Variants in SCNN1B observed in about 807,000 individuals in gnomAD.
SCNN1B encodes sodium channel epithelial 1 subunit beta.
SCNN1B carries 46 observed loss-of-function variants against 65.3 expected under a neutral mutation model. The ratio of observed to expected loss-of-function variants is 0.70; its 90% CI spans 0.56 to 0.90. The LOEUF (loss-of-function observed/expected upper bound fraction) is 0.90. SCNN1B is among the 40% of genes least tolerant of loss of function. SCNN1B has a pLI of 0.00. For synonymous variants in SCNN1B, 349 were observed against 330.6 expected (o/e 1.06, Z -0.60); for missense variants, 751 against 830.5 (o/e 0.90, Z 1.18).
chr16:23,379,379 C>G (rs754903095), intron 11 of SCNN1B, among the ~76,000 whole-genome samples: 14 of 152,128 alleles, frequency 9.2e-5, no homozygotes, highest in Non-Finnish European at 4.4e-5. Flanking sequence ...TCTGTACAAG[C>G]CCCCTACTCT....
At chr16:23,359,560 C>T (rs2142026682) in intron 4 of SCNN1B, among the ~76,000 whole-genome samples, 1 of 152,208 alleles carries the variant, frequency 6.6e-6, no homozygotes, top group East Asian at 1.9e-4. Context: ...ATGTGCCTCT[C>T]TGCTCTCCCG....
chr16:23,374,805 G>A (rs981135554), intron 7 of SCNN1B, among the ~76,000 whole-genome samples: 6 of 151,770 alleles, frequency 4.0e-5, no homozygotes, highest in Non-Finnish European at 7.4e-5. Context: ...GGGCGGGGCC[G>A]AGTGGAGAGA....
In SCNN1B at chr16:23,348,033, C is replaced by T. The variant is rs1009839106; in HGVS notation, c.-8-559C>T. Among the ~76,000 whole-genome samples, 6 of 152,232 alleles carry T rather than the reference C, an allele frequency of 3.9e-5. No individual in the cohort carries two copies. The highest frequency in any genetic ancestry group is 1.4e-4 in the African/African-American group (6 of 41,460). On this transcript the variant is annotated intron_variant, in intron 1 of 12. Transcript: ENST00000343070. This position sits in a 1 kb window ranked among gnomAD's most constrained non-coding sequence, Gnocchi z 4.5. Reference sequence around the variant, plus strand: ...AGCTGAGGCCACAGGCGGGAACCCACCCTACACAGGACACATTCCATTGCA... The same window carrying T: ...AGCTGAGGCCACAGGCGGGAACCCATCCTACACAGGACACATTCCATTGCA...
intron 1 of SCNN1B, among the ~76,000 whole-genome samples, chr16:23,314,577 C>G (rs898259350): frequency 9.2e-5 from 14 of 152,106 alleles, no homozygotes; most frequent in African/African-American, 3.4e-4. Flanking sequence ...GCTTGCCTCT[C>G]CTCAGCTTCT....
chr16:23,360,406 C>T lies in SCNN1B; in HGVS notation c.776+4917C>T, dbSNP rs530375765. 5.3e-5 allele frequency among the ~76,000 whole-genome samples: 8 copies of T among 151,566 alleles called. No individual in the cohort carries two copies. In the South Asian group the frequency reaches 1.3e-3, roughly 24 times the overall value. On this transcript the variant is annotated intron_variant, in intron 4 of 12. Transcript: ENST00000343070. Reference sequence around the variant, plus strand: ...CAATTTTAAAATAACAAAATTAGCCCGGCGTGGTGGTACACACCTGTAGAC... The same window carrying T: ...CAATTTTAAAATAACAAAATTAGCCTGGCGTGGTGGTACACACCTGTAGAC...
chr16:23,325,723 A>G (rs377476711), intron 1 of SCNN1B, among the ~76,000 whole-genome samples: 3 of 152,062 alleles, frequency 2.0e-5, no homozygotes, highest in Non-Finnish European at 1.5e-5. Flanking sequence ...CCCATCCAGC[A>G]TCTCCCCAGA....
intron 1 of SCNN1B, among the ~76,000 whole-genome samples, chr16:23,304,954 T>G (rs1046461777): frequency 1.3e-5 from 2 of 152,150 alleles, no homozygotes; most frequent in African/African-American, 4.8e-5. Flanking sequence ...GCAGGAAGTC[T>G]TTTCCTGAAC....
At chr16:23,301,468 T>C (rs190715133), upstream of SCNN1B, among the ~76,000 whole-genome samples, 1 of 139,682 alleles carries the variant, frequency 7.2e-6, no homozygotes, top group East Asian at 2.0e-4. Context: ...AAAAGAAAAA[T>C]ACAAAAGATT....
At chr16:23,309,076 G>T (rs1006666138) in intron 1 of SCNN1B, among the ~76,000 whole-genome samples, 4 of 152,190 alleles carry the variant, frequency 2.6e-5, no homozygotes, top group African/African-American at 9.7e-5. Flanking sequence ...ACATAATCTG[G>T]AGGGTATATC....
chr16:23,284,456 C>T (rs1411802955), intron 2 of SCNN1B, among the ~76,000 whole-genome samples: 2 of 151,936 alleles, frequency 1.3e-5, no homozygotes, highest in African/African-American at 4.8e-5. Context: ...AATAAAATGG[C>T]AGAGCATGGA....
At chr16:23,361,966 GC>G (rs1430313810) in intron 4 of SCNN1B, among the ~76,000 whole-genome samples, 4 of 152,046 alleles carry the variant, frequency 2.6e-5, no homozygotes, top group African/African-American at 9.7e-5. Context: ...TCCCACTTCA[GC>G]CCCCTAAAGT....
At chr16:23,283,996 C>T (rs1009158770) in intron 2 of SCNN1B, among the ~76,000 whole-genome samples, 2 of 152,222 alleles carry the variant, frequency 1.3e-5, no homozygotes, top group Non-Finnish European at 2.9e-5. Context: ...ACCGCCCTGG[C>T]TCCTCCCCTT....
chr16:23,326,029 T>A (rs1961689562), intron 1 of SCNN1B, among the ~76,000 whole-genome samples: 1 of 151,942 alleles, frequency 6.6e-6, no homozygotes. Flanking sequence ...GAGCTATGAT[T>A]GCACCACTGC....
chr16:23,348,953 G>A lies in SCNN1B; in HGVS notation c.311+43G>A, dbSNP rs202124666. 7.1e-5 allele frequency: 109 copies of A among 1,531,476 alleles called. 1 individual carries two copies. In the Middle Eastern group the frequency reaches 1.4e-3, roughly 19 times the overall value. The allele number at this position is 1,531,476 out of a possible 1,614,324, so 94.9% of individuals were successfully genotyped here. ...GCACAGCTGGCCTCAGCAGACAGGC[G>A]GTTCTCTTTCTCTCTTTTCTTCCCT... On this transcript the variant is annotated intron_variant, in intron 2 of 12. Coordinates refer to ENST00000343070, the MANE Select transcript of SCNN1B (RefSeq NM_000336.3). The surrounding 1 kb of genome is among the most constrained non-coding windows in gnomAD (Gnocchi z 4.5).
chr16:23,338,608 C>T (rs187610348), intron 1 of SCNN1B, among the ~76,000 whole-genome samples: 2 of 152,232 alleles, frequency 1.3e-5, no homozygotes, highest in Admixed American at 1.3e-4. Context: ...GTCAGATGTC[C>T]ACATGAGCCA....
Position 23,380,214 on chromosome 16 carries a change from A to G in SCNN1B, c.1542+45A>G, listed in dbSNP as rs116554485. 4,204 of 1,546,860 alleles carry G rather than the reference A, an allele frequency of 2.7e-3. 100 individuals carry two copies. The African/African-American group carries it at 0.049, about 18-fold the overall frequency. On this transcript the variant is annotated intron_variant, in intron 12 of 12. Coordinates refer to ENST00000343070, the MANE Select transcript of SCNN1B (RefSeq NM_000336.3). The surrounding 1 kb of genome is among the most constrained non-coding windows in gnomAD (Gnocchi z 5.4). Reference sequence around the variant, plus strand: ...AATACCCCAGCCCTGCCCTGCCCTGACCCCTGCACCCTGAGGGTGGGGGAA... The same window carrying G: ...AATACCCCAGCCCTGCCCTGCCCTGGCCCCTGCACCCTGAGGGTGGGGGAA...
At position 23,348,818 on chromosome 16, in the gene SCNN1B, C is replaced by T; in HGVS notation, c.219C>T (p.Thr73=). The T allele has an allele frequency of 6.2e-7, 1 of 1,614,198 alleles. No individual in the cohort carries two copies. The highest frequency in any genetic ancestry group is 8.5e-7 in the Non-Finnish European group (1 of 1,180,046). Residue 73 remains threonine, a synonymous_variant, in exon 2 of 13, where the codon ACC becomes ACT. Coordinates refer to ENST00000343070, the MANE Select transcript of SCNN1B (RefSeq NM_000336.3). This position sits in a 1 kb window ranked among gnomAD's most constrained non-coding sequence, Gnocchi z 4.5. The part of the protein sequence containing the change: ...VCWQWGIFIR[T]YLSWEVSVSL... ...GGCAGTGGGGCATCTTCATCAGGAC[C>T]TACTTGAGCTGGGAGGTCAGCGTCT...
intron 1 of SCNN1B, among the ~76,000 whole-genome samples, chr16:23,336,366 A>G (rs1466259565): frequency 6.8e-6 from 1 of 147,634 alleles, no homozygotes; most frequent in Non-Finnish European, 1.5e-5. Context: ...GTGGTAAGCA[A>G]GACGATTTTT....
chr16:23,355,444 A>C lies in SCNN1B; in HGVS notation c.731A>C (p.Gln244Pro). ...ELVEMSYPGE[Q>P]MILACLFGAE... Reference sequence around the variant, plus strand: ...GTAGAGATGAGCTACCCCGGCGAGCAGATGATCCTGGCCTGCCTATTCGGA... The same window carrying C: ...GTAGAGATGAGCTACCCCGGCGAGCCGATGATCCTGGCCTGCCTATTCGGA... The change falls in exon 4 of 13, where the codon CAG becomes CCG. Residue 244 changes from glutamine to proline, a missense_variant. Gln to Pro is a moderately conservative substitution (Grantham distance 76). Transcript: ENST00000343070. 6.2e-7 allele frequency: 1 copy of C among 1,614,234 alleles called. No individual in the cohort carries two copies. Among genetic ancestry groups the C allele is most frequent in the Non-Finnish European group, 8.5e-7 (1 of 1,180,050 alleles).
Sources: gnomAD v4.1 joint callset for allele counts (sites outside exome capture counted in the v4.1 genomes callset) on GRCh38, gnomAD v4.1.1 for gene constraint, Gnocchi (gnomAD v3.1) non-coding constraint, MANE v1.5 for transcripts, NCBI Gene and HGNC (gene_info 2026-07-23, HGNC 2026-07-21) for gene names.